SCAPER: variants seen among roughly 807,000 people sequenced by gnomAD.
The protein encoded by SCAPER is S-phase cyclin A associated protein in the ER.
Under a neutral mutation model 182.2 loss-of-function variants are expected in SCAPER, and 98 were observed. The ratio of observed to expected loss-of-function variants is 0.54; its 90% CI spans 0.46 to 0.64. The LOEUF is 0.64. Ranked by LOEUF, SCAPER falls within the 30% of genes least tolerant of loss-of-function variation. The pLI, the probability that SCAPER is intolerant of heterozygous loss-of-function variation, is 0.00. For missense variants in SCAPER, 1,432 were observed against 1,690.0 expected (o/e 0.85, Z 2.68); for synonymous variants, 605 against 564.6 (o/e 1.07, Z -1.01).
At chr15:76,784,822 G>A (rs528658509) in intron 8 of SCAPER, among the ~76,000 whole-genome samples, 19 of 152,156 alleles carry the variant, frequency 1.2e-4, no homozygotes, top group Non-Finnish European at 2.4e-4. Context: ...AAACTGGCTC[G>A]CCATGTGTAG....
intron 22 of SCAPER, among the ~76,000 whole-genome samples, chr15:76,591,527 T>C (rs2049107586): frequency 6.6e-6 from 1 of 152,166 alleles, no homozygotes. Context: ...AGAGGTGCAA[T>C]CATGGCTCAC....
At chr15:76,835,017 T>C (rs573152661) in intron 5 of SCAPER, among the ~76,000 whole-genome samples, 16 of 152,198 alleles carry the variant, frequency 1.1e-4, no homozygotes, top group Admixed American at 8.5e-4. Flanking sequence ...TTCCCAAAAA[T>C]TGGATGTTGG....
intron 23 of SCAPER, among the ~76,000 whole-genome samples, chr15:76,533,943 A>G (rs754686094): frequency 2.0e-5 from 3 of 152,242 alleles, no homozygotes; most frequent in Non-Finnish European, 4.4e-5. Flanking sequence ...TACCATTTCC[A>G]TTGCTGGAAT....
chr15:76,767,607 A>T (rs1340215276), intron 10 of SCAPER, among the ~76,000 whole-genome samples: 1 of 152,128 alleles, frequency 6.6e-6, no homozygotes, highest in African/African-American at 2.4e-5. Context: ...GAAGCTAAAG[A>T]TGTATACTAG....
intron 8 of SCAPER, chr15:76,793,160 AT>A (rs2065107478): frequency 2.1e-6 from 2 of 964,698 alleles, no homozygotes. Flanking sequence ...AACTAGAATT[AT>A]TTTTTATAAC....
chr15:76,661,246 T>C (rs2056131566), intron 21 of SCAPER, among the ~76,000 whole-genome samples: 1 of 152,116 alleles, frequency 6.6e-6, no homozygotes, highest in Admixed American at 6.5e-5. Context: ...ATAGAGGCAG[T>C]ACCTTTCAGG....
intron 14 of SCAPER, among the ~76,000 whole-genome samples, chr15:76,756,406 G>C (rs527297391): frequency 6.6e-6 from 1 of 152,168 alleles, no homozygotes; most frequent in East Asian, 1.9e-4. Context: ...GCAAGACCCT[G>C]TCTCTACAAA....
At chr15:76,720,023 C>T (rs1452012526) in intron 17 of SCAPER, among the ~76,000 whole-genome samples, 2 of 151,544 alleles carry the variant, frequency 1.3e-5, no homozygotes, top group Non-Finnish European at 1.5e-5. Context: ...TGGTGTGCTG[C>T]ACCCATTAAC....
At chr15:76,767,612 T>C (rs1012511044) in intron 10 of SCAPER, among the ~76,000 whole-genome samples, 1 of 152,022 alleles carries the variant, frequency 6.6e-6, no homozygotes, top group Admixed American at 6.5e-5. Context: ...TAAAGATGTA[T>C]ACTAGAAACC....
intron 15 of SCAPER, among the ~76,000 whole-genome samples, chr15:76,737,812 G>A (rs116757034): frequency 2.5e-3 from 376 of 152,212 alleles, no homozygotes; most frequent in African/African-American, 6.7e-3. Flanking sequence ...TTATTGAGAC[G>A]GCTTCCTTCC....
intron 20 of SCAPER, among the ~76,000 whole-genome samples, chr15:76,667,645 A>AC (rs2056698463): frequency 8.2e-6 from 1 of 122,426 alleles, no homozygotes; most frequent in African/African-American, 3.6e-5. Flanking sequence ...AAAAAAAAAA[A>AC]AAAAAAAAAA....
intron 18 of SCAPER, among the ~76,000 whole-genome samples, chr15:76,705,107 T>G (rs1182969882): frequency 1.3e-5 from 2 of 152,250 alleles, no homozygotes; most frequent in Non-Finnish European, 2.9e-5. Flanking sequence ...ATATGTTTAT[T>G]GCGGCACTAT....
rs575412252 is a variant in SCAPER, at chr15:76,817,664, CAT to C, written c.394-13033_394-13032del. ...TTCACTACATATATGTATGTCAAAA[CAT>C]GTTATAAATCTCAAATATATATAAC... On this transcript the variant is annotated intron_variant, in intron 5 of 31. Coordinates refer to ENST00000563290, the MANE Select transcript of SCAPER (RefSeq NM_020843.4). Among the ~76,000 whole-genome samples, 378 of 152,164 alleles carry C rather than the reference CAT, an allele frequency of 2.5e-3. 1 individual carries two copies. The highest frequency in any genetic ancestry group is 8.1e-3 in the African/African-American group (336 of 41,524).
Position 76,870,113 on chromosome 15 carries a change from T to C in SCAPER, c.7-7580A>G, listed in dbSNP as rs193192890. Among the ~76,000 whole-genome samples, 370 of 151,920 alleles carry C rather than the reference T, an allele frequency of 2.4e-3. 2 individuals are homozygous for C. Among genetic ancestry groups the C allele is most frequent in the African/African-American group, 8.4e-3 (350 of 41,460 alleles). On this transcript the variant is annotated intron_variant, in intron 2 of 31. Transcript: ENST00000563290. ...AGGAAAAGTAGTGGAGTGGGGTGGG[T>C]GGGGATAAAAAGTTGATTAATGGGT...
At chr15:76,851,068 T>C (rs2070708393) in intron 4 of SCAPER, among the ~76,000 whole-genome samples, 1 of 152,056 alleles carries the variant, frequency 6.6e-6, no homozygotes, top group African/African-American at 2.4e-5. Context: ...CAATCACAAG[T>C]ATTAACAGAA....
chr15:76,460,869 T>C (rs2049118310), intron 25 of SCAPER, among the ~76,000 whole-genome samples: 1 of 152,162 alleles, frequency 6.6e-6, no homozygotes, highest in East Asian at 1.9e-4. Flanking sequence ...CTTTCCTTAA[T>C]GTTAATATCC....
chr15:76,899,053 C>G (rs1199550773), intron 1 of SCAPER, among the ~76,000 whole-genome samples: 1 of 152,226 alleles, frequency 6.6e-6, no homozygotes, highest in Non-Finnish European at 1.5e-5. Flanking sequence ...AAATAATTTA[C>G]GTAATTTTCT....
At chr15:76,472,614 C>T (rs879118691) in intron 24 of SCAPER, among the ~76,000 whole-genome samples, 1 of 152,124 alleles carries the variant, frequency 6.6e-6, no homozygotes, top group African/African-American at 2.4e-5. Flanking sequence ...GATCCACCCG[C>T]CTTGGCCTCT....
At chr15:76,565,689 T>G (rs2046987280) in intron 23 of SCAPER, among the ~76,000 whole-genome samples, 1 of 152,120 alleles carries the variant, frequency 6.6e-6, no homozygotes, top group African/African-American at 2.4e-5. Context: ...TAAATTCTCC[T>G]TCTCTCAACA....
Sources: gnomAD v4.1 joint callset for allele counts (sites outside exome capture counted in the v4.1 genomes callset) on GRCh38, gnomAD v4.1.1 for gene constraint, MANE v1.5 for transcripts, NCBI Gene and HGNC (gene_info 2026-07-23, HGNC 2026-07-21) for gene names.